Variants in ASCC1 observed in about 807,000 individuals in gnomAD.
ASCC1 encodes ASC-1 complex subunit P50.
ASCC1 carries 35 observed loss-of-function variants against 46.6 expected under a neutral mutation model. That is an observed-to-expected ratio of 0.75 (90% confidence interval 0.57 to 0.99). The LOEUF (loss-of-function observed/expected upper bound fraction) is 0.99, where lower values mean the gene tolerates loss of function less well. ASCC1 is among the 50% of genes least tolerant of loss of function. The pLI is 0.00. For synonymous variants in ASCC1, 143 were observed against 146.6 expected, an observed-to-expected ratio of 0.98 and a Z score of 0.18; for missense variants, 376 against 428.7, an observed-to-expected ratio of 0.88 and a Z score of 1.09.
chr10:72,126,855 C>A (rs140145342), intron 9 of ASCC1, among the ~76,000 whole-genome samples: 64 of 152,206 alleles, frequency 4.2e-4, no homozygotes, highest in African/African-American at 1.4e-3. Flanking sequence ...CCAAAGCTAC[C>A]TCAAAAACAA....
chr10:72,113,097 C>G (rs1245773249), intron 9 of ASCC1, among the ~76,000 whole-genome samples: 1 of 152,158 alleles, frequency 6.6e-6, no homozygotes, highest in Non-Finnish European at 1.5e-5. Context: ...TTCCCCCTCC[C>G]TCAAATGCAC....
chr10:72,125,252 T>C (rs1352579512), intron 9 of ASCC1, among the ~76,000 whole-genome samples: 1 of 152,190 alleles, frequency 6.6e-6, no homozygotes, highest in Non-Finnish European at 1.5e-5. Flanking sequence ...AGTTGATTTT[T>C]TTTTTCTAAG....
chr10:72,102,241 CA>C (rs1841855442), intron 9 of ASCC1: 1 of 1,118,208 alleles, frequency 8.9e-7, no homozygotes, highest in African/African-American at 1.6e-5. Context: ...ATGAGGCTGC[CA>C]TTGACAGTAA....
At chr10:72,119,182 A>G (rs994017943) in intron 9 of ASCC1, among the ~76,000 whole-genome samples, 1 of 152,344 alleles carries the variant, frequency 6.6e-6, no homozygotes, top group South Asian at 2.1e-4. Context: ...CCTCACCAAA[A>G]GTTTTTGTAA....
chr10:72,188,879 C>T (rs556214343), intron 5 of ASCC1, among the ~76,000 whole-genome samples: 20 of 152,152 alleles, frequency 1.3e-4, no homozygotes, highest in Middle Eastern at 3.4e-3. Flanking sequence ...ACCTCAGCCT[C>T]CCGAGTAGTT....
At chr10:72,175,279 T>C (rs1851727002) in intron 5 of ASCC1, among the ~76,000 whole-genome samples, 1 of 152,194 alleles carries the variant, frequency 6.6e-6, no homozygotes, top group Non-Finnish European at 1.5e-5. Context: ...ATGAAACACA[T>C]ATGAAGTCTC....
intron 5 of ASCC1, among the ~76,000 whole-genome samples, chr10:72,175,637 T>C (rs1441716706): frequency 6.6e-6 from 1 of 152,218 alleles, no homozygotes; most frequent in South Asian, 2.1e-4. Flanking sequence ...GCTTTTATAC[T>C]GACCAGAGAA....
chr10:72,119,403 A>G (rs1843906225), intron 9 of ASCC1, among the ~76,000 whole-genome samples: 3 of 152,174 alleles, frequency 2.0e-5, no homozygotes, highest in African/African-American at 7.2e-5. Flanking sequence ...CTAGCCATCC[A>G]CAGTGGGGAA....
chr10:72,178,770 CAATAGAAA>C, intron 5 of ASCC1, among the ~76,000 whole-genome samples: 1 of 151,986 alleles, frequency 6.6e-6, no homozygotes, highest in Non-Finnish European at 1.5e-5. Context: ...TTTTACACAG[CAATAGAAA>C]ACTCATAAGG....
chr10:72,100,754 A>T (rs1273426788), intron 9 of ASCC1, among the ~76,000 whole-genome samples: 1 of 152,076 alleles, frequency 6.6e-6, no homozygotes, highest in African/African-American at 2.4e-5. Flanking sequence ...TCACTAAAAT[A>T]TAAGCCCTAC....
intron 2 of ASCC1, among the ~76,000 whole-genome samples, chr10:72,212,687 A>C (rs1371124212): frequency 1.3e-5 from 2 of 152,010 alleles, no homozygotes; most frequent in East Asian, 3.9e-4. Context: ...GTCTCTACTA[A>C]AAATACAAAA....
intron 9 of ASCC1, among the ~76,000 whole-genome samples, chr10:72,117,136 G>A (rs184903729): frequency 3.7e-4 from 57 of 152,218 alleles, no homozygotes; most frequent in Middle Eastern, 3.4e-3. Flanking sequence ...TTTAAGCTTG[G>A]CTTTGATTTC....
Position 72,184,371 on chromosome 10 carries a change from AT to A in ASCC1, c.489+12439del, listed in dbSNP as rs1013703330. Among the ~76,000 whole-genome samples, 74 of 152,280 alleles carry A rather than the reference AT, an allele frequency of 4.9e-4. 1 individual carries two copies. Among genetic ancestry groups the A allele is most frequent in the African/African-American group, 1.5e-3 (64 of 41,570 alleles). The stretch of plus-strand genomic sequence containing the variant: ...TAAAAGGTAGAGATGTCAGACTGCA[AT>A]TTAAAAATAAGAAACAATACCTAAC... On this transcript the variant is annotated intron_variant, in intron 5 of 9. Coordinates refer to ENST00000672957, the MANE Select transcript of ASCC1 (RefSeq NM_001198800.3).
At chr10:72,153,363 T>C (rs996785551) in intron 6 of ASCC1, among the ~76,000 whole-genome samples, 5 of 152,216 alleles carry the variant, frequency 3.3e-5, no homozygotes, top group Admixed American at 6.5e-5. Context: ...ACAAACAGCA[T>C]TTCACTCATA....
intron 5 of ASCC1, among the ~76,000 whole-genome samples, chr10:72,196,265 T>C (rs969830873): frequency 1.3e-5 from 2 of 151,218 alleles, no homozygotes; most frequent in Non-Finnish European, 2.9e-5. Flanking sequence ...GGATGAGCCA[T>C]TTGTGTCTTA....
intron 4 of ASCC1, among the ~76,000 whole-genome samples, chr10:72,197,262 G>A (rs906629337): frequency 8.6e-5 from 13 of 151,850 alleles, no homozygotes; most frequent in Non-Finnish European, 1.6e-4. Flanking sequence ...ACGAGGTCAG[G>A]AGATCGAGAC....
intron 9 of ASCC1, among the ~76,000 whole-genome samples, chr10:72,126,675 C>T (rs1423352429): frequency 1.3e-5 from 2 of 152,176 alleles, no homozygotes; most frequent in Non-Finnish European, 2.9e-5. Flanking sequence ...TATTTTCTTT[C>T]TTAACCAAAT....
chr10:72,143,164 A>G (rs1031138966), intron 7 of ASCC1, among the ~76,000 whole-genome samples: 12 of 131,602 alleles, frequency 9.1e-5, no homozygotes, highest in African/African-American at 2.9e-4. Context: ...CCGTCTCAGG[A>G]AAAAAAAAAA....
intron 9 of ASCC1, among the ~76,000 whole-genome samples, chr10:72,103,258 G>A (rs1441697769): frequency 6.6e-6 from 1 of 150,672 alleles, no homozygotes; most frequent in East Asian, 2.0e-4. Flanking sequence ...TCAGCCTCCC[G>A]AGTAGCTGGG....
Sources: allele counts gnomAD v4.1 joint callset (sites outside exome capture counted in the v4.1 genomes callset), GRCh38; gene constraint gnomAD v4.1.1; transcripts MANE v1.5; gene names NCBI Gene and HGNC (gene_info 2026-07-23, HGNC 2026-07-21).